Variants in ARHGAP15 observed in about 807,000 individuals in gnomAD.
ARHGAP15 encodes the protein rho GTPase-activating protein 15.
Under a neutral mutation model 63.7 loss-of-function variants are expected in ARHGAP15, and 51 were observed. That is an observed-to-expected ratio of 0.80 (90% CI 0.64 to 1.01). The LOEUF is 1.01. Among genes scored for constraint, ARHGAP15 ranks in the 50% least tolerant of loss-of-function variants. The pLI is 0.00. For missense variants in ARHGAP15, 560 were observed against 564.6 expected (o/e 0.99, Z 0.08); for synonymous variants, 191 against 193.8 (o/e 0.99, Z 0.12).
chr2:143,141,103 G>A (rs1028781418), intron 1 of ARHGAP15, among the ~76,000 whole-genome samples: 11 of 152,096 alleles, frequency 7.2e-5, no homozygotes, highest in African/African-American at 2.4e-4. Flanking sequence ...TCCTGACCAT[G>A]ATGAGCTGTA....
rs60643761 is a variant in ARHGAP15 at position 143,679,654 on chromosome 2, CGTGT to C, written c.1139-23738_1139-23735del. Among the ~76,000 whole-genome samples the C allele has an allele frequency of 2.6e-3, 385 of 149,944 alleles. 6 individuals carry two copies. Among genetic ancestry groups the C allele is most frequent in the African/African-American group, 8.8e-3 (358 of 40,480 alleles). On this transcript the variant is annotated intron_variant, in intron 12 of 13. Transcript: ENST00000295095. ...TCTTGAATGAGGGGGTGCGTGTGTG[CGTGT>C]GTGTGTGTGTGTGTGTGTGTGTGTG...
chr2:143,223,923 A>C (rs1411992516), intron 4 of ARHGAP15, among the ~76,000 whole-genome samples: 1 of 152,216 alleles, frequency 6.6e-6, no homozygotes, highest in Non-Finnish European at 1.5e-5. Context: ...AGGCTCATTC[A>C]GAAGACTTGG....
intron 11 of ARHGAP15, among the ~76,000 whole-genome samples, chr2:143,568,263 T>C (rs1338136603): frequency 6.6e-6 from 1 of 152,108 alleles, no homozygotes; most frequent in Non-Finnish European, 1.5e-5. Flanking sequence ...ATTTTTGCAA[T>C]CTACCCATCT....
intron 12 of ARHGAP15, among the ~76,000 whole-genome samples, chr2:143,672,211 G>A (rs1009837157): frequency 3.3e-5 from 5 of 152,088 alleles, no homozygotes; most frequent in African/African-American, 1.2e-4. Context: ...GAGTCATTAA[G>A]GTCTGGTAAA....
intron 11 of ARHGAP15, among the ~76,000 whole-genome samples, chr2:143,560,886 GC>G (rs1258535962): frequency 6.6e-6 from 1 of 152,204 alleles, no homozygotes; most frequent in East Asian, 1.9e-4. Context: ...GCAGCGCTCT[GC>G]CCTGTTTGTT....
At chr2:143,445,974 A>C (rs982956090) in intron 8 of ARHGAP15, among the ~76,000 whole-genome samples, 6 of 152,110 alleles carry the variant, frequency 3.9e-5, no homozygotes, top group African/African-American at 1.4e-4. Flanking sequence ...AAAAGTTATC[A>C]AAGTGTTAGC....
intron 10 of ARHGAP15, among the ~76,000 whole-genome samples, chr2:143,551,319 T>G (rs1386057793): frequency 1.3e-5 from 2 of 151,962 alleles, no homozygotes; most frequent in Non-Finnish European, 2.9e-5. Context: ...GCCAGGCTAA[T>G]TTTTAAATTT....
chr2:143,353,438 G>A (rs1574321716), intron 6 of ARHGAP15, among the ~76,000 whole-genome samples: 1 of 152,150 alleles, frequency 6.6e-6, no homozygotes. Flanking sequence ...ATGTCTTGCT[G>A]GTTAATATCC....
chr2:143,477,307 T>C (rs780904760), intron 8 of ARHGAP15, among the ~76,000 whole-genome samples: 2 of 152,026 alleles, frequency 1.3e-5, no homozygotes, highest in Admixed American at 1.3e-4. Context: ...TGAGAGACAC[T>C]GGGATGGAGG....
chr2:143,428,282 T>C (rs1198708031), intron 6 of ARHGAP15, among the ~76,000 whole-genome samples: 1 of 151,880 alleles, frequency 6.6e-6, no homozygotes, highest in Non-Finnish European at 1.5e-5. Context: ...AAAATCAGTA[T>C]GGCTGGATTG....
At chr2:143,134,786 C>A (rs1689068152) in intron 1 of ARHGAP15, among the ~76,000 whole-genome samples, 1 of 130,322 alleles carries the variant, frequency 7.7e-6, no homozygotes, top group Admixed American at 8.2e-5. Context: ...AGGTGCCTGC[C>A]ACCAAGCCCA....
chr2:143,733,104 A>C (rs1685609688), intron 13 of ARHGAP15, among the ~76,000 whole-genome samples: 2 of 152,152 alleles, frequency 1.3e-5, no homozygotes, highest in African/African-American at 4.8e-5. Flanking sequence ...AAGGAGCAGT[A>C]ATGTTGAGGC....
Position 143,513,128 on chromosome 2 carries a change from C to T in ARHGAP15, c.827-6138C>T, listed in dbSNP as rs531151012. ...CAAGAGAGGCTATAAGTGAGAAGAA[C>T]AGTTTTGGCTTTGCTGGTAACTGGG... is the stretch of plus-strand genomic sequence containing the variant. On this transcript the variant is annotated intron_variant, in intron 9 of 13. Coordinates refer to ENST00000295095, the MANE Select transcript of ARHGAP15 (RefSeq NM_018460.4). 7.2e-5 allele frequency among the ~76,000 whole-genome samples: 11 copies of T among 152,316 alleles called. 1 individual carries two copies. The South Asian group carries it at 2.3e-3, about 32-fold the overall frequency.
chr2:143,406,619 A>G (rs188556238), intron 6 of ARHGAP15, among the ~76,000 whole-genome samples: 41 of 151,852 alleles, frequency 2.7e-4, no homozygotes, highest in African/African-American at 9.6e-4. Flanking sequence ...ATTTCTGACC[A>G]TTTTTGCTTT....
At chr2:143,578,153 G>T (rs1207953878) in intron 11 of ARHGAP15, among the ~76,000 whole-genome samples, 1 of 152,034 alleles carries the variant, frequency 6.6e-6, no homozygotes, top group Non-Finnish European at 1.5e-5. Context: ...AAGTTACGTT[G>T]GTTTGCTAGC....
At chr2:143,388,201 A>T (rs982060488) in intron 6 of ARHGAP15, among the ~76,000 whole-genome samples, 8 of 152,200 alleles carry the variant, frequency 5.3e-5, no homozygotes, top group African/African-American at 1.4e-4. Context: ...ACATCATTTA[A>T]TTAAATATTA....
rs895076665 is a variant in ARHGAP15 at position 143,597,881 on chromosome 2, G to A, written c.1004-26252G>A. The A allele has an allele frequency of 2.6e-5, 4 of 152,066 alleles. No individual in the cohort carries two copies. In the South Asian group the frequency reaches 8.3e-4, roughly 32 times the overall value. The allele number at this position is 152,066 out of a possible 1,614,324, so 9.4% of individuals were successfully genotyped here. A position where few individuals can be genotyped will look rare whatever the true frequency, so the allele number is the denominator to read the frequency against. The stretch of plus-strand genomic sequence containing the variant: ...ATTCCCTCACAGTTCTGGGATCTGG[G>A]AAGTCCAAGATCAAGATACTAGCAT... On this transcript the variant is annotated intron_variant, in intron 11 of 13. Transcript: ENST00000295095.
intron 6 of ARHGAP15, among the ~76,000 whole-genome samples, chr2:143,253,658 T>TA (rs1171648166): frequency 6.6e-6 from 1 of 151,314 alleles, no homozygotes; most frequent in Admixed American, 6.6e-5. Context: ...CAATAAATAA[T>TA]AAAAGAATTC....
At chr2:143,587,870 G>A in intron 11 of ARHGAP15, 1 of 360,052 alleles carries the variant, frequency 2.8e-6, no homozygotes, top group South Asian at 2.4e-5. Flanking sequence ...TTGAGTGATA[G>A]AAGAGCAGAA....
Sources: allele counts gnomAD v4.1 joint callset (sites outside exome capture counted in the v4.1 genomes callset), GRCh38; gene constraint gnomAD v4.1.1; transcripts MANE v1.5; gene names NCBI Gene and HGNC (gene_info 2026-07-23, HGNC 2026-07-21).